CSMD1: variants seen among roughly 807,000 people sequenced by gnomAD.
The protein encoded by CSMD1 is CUB and Sushi multiple domains 1.
In CSMD1, 213 loss-of-function variants were observed where a neutral mutation model predicts 417.5. The ratio of observed to expected loss-of-function variants is 0.51; its 90% CI spans 0.46 to 0.57. The LOEUF (loss-of-function observed/expected upper bound fraction) is 0.57, where lower values mean the gene tolerates loss of function less well. Ranked by LOEUF, CSMD1 falls within the 20% of genes least tolerant of loss-of-function variation. The pLI, the probability that CSMD1 is intolerant of heterozygous loss-of-function variation, is 0.00. For synonymous variants in CSMD1, 2,862 were observed against 1,736.8 expected (o/e 1.65, Z -16.11); for missense variants, 6,923 against 4,529.7 (o/e 1.53, Z -15.17).
intron 1 of CSMD1, among the ~76,000 whole-genome samples, chr8:4,820,301 A>C (rs1474758040): frequency 3.3e-5 from 5 of 152,212 alleles, no homozygotes; most frequent in Admixed American, 6.5e-5. Flanking sequence ...GGGCACAGTT[A>C]GTGCGCCATA....
chr8:3,515,859 T>C (rs1797261314), intron 10 of CSMD1, among the ~76,000 whole-genome samples: 1 of 152,194 alleles, frequency 6.6e-6, no homozygotes, highest in Non-Finnish European at 1.5e-5. Flanking sequence ...GACTTCAGCG[T>C]GGGGAAAATT....
Position 3,899,971 on chromosome 8 carries a change from G to C in CSMD1, c.818+97932C>G, listed in dbSNP as rs185179648. Among the ~76,000 whole-genome samples the C allele has an allele frequency of 2.7e-3, 415 of 152,336 alleles. 6 individuals carry two copies. The highest frequency in any genetic ancestry group is 0.011 in the South Asian group (52 of 4,830). ...TGGGAAGGGTAGTTGCTCTCCACTG[G>C]GCTTGTTGAGCTGCAGCTACAGCTG... On this transcript the variant is annotated intron_variant, in intron 5 of 69. Coordinates refer to ENST00000635120, the MANE Select transcript of CSMD1 (RefSeq NM_033225.6).
At chr8:3,149,029 T>C (rs950349747) in intron 40 of CSMD1, among the ~76,000 whole-genome samples, 1 of 152,218 alleles carries the variant, frequency 6.6e-6, no homozygotes. Flanking sequence ...CTATGCAATA[T>C]CCAATTTTTT....
chr8:3,774,551 CT>C (rs1298254476), intron 5 of CSMD1, among the ~76,000 whole-genome samples: 2 of 152,144 alleles, frequency 1.3e-5, no homozygotes, highest in African/African-American at 4.8e-5. Context: ...CATTCCCCTC[CT>C]TAGTGGACAG....
intron 3 of CSMD1, among the ~76,000 whole-genome samples, chr8:4,304,562 A>G (rs1226304013): frequency 6.6e-6 from 1 of 152,150 alleles, no homozygotes. Flanking sequence ...ATCAATTGGG[A>G]TGTGTTTAAA....
chr8:3,299,542 G>A (rs552430675), intron 25 of CSMD1, among the ~76,000 whole-genome samples: 4 of 146,074 alleles, frequency 2.7e-5, no homozygotes, highest in South Asian at 2.2e-4. Flanking sequence ...ATCCTCCAAC[G>A]CACAGTGTCC....
chr8:4,121,940 A>C (rs1048223050), intron 3 of CSMD1, among the ~76,000 whole-genome samples: 3 of 152,084 alleles, frequency 2.0e-5, no homozygotes, highest in Non-Finnish European at 4.4e-5. Context: ...TTTTATATTA[A>C]ATGATTAGTG....
intron 3 of CSMD1, among the ~76,000 whole-genome samples, chr8:4,044,147 G>C (rs770534040): frequency 1.3e-5 from 2 of 152,124 alleles, no homozygotes; most frequent in Non-Finnish European, 2.9e-5. Context: ...TTAACAGTAA[G>C]AAAGAAGATG....
At chr8:4,288,461 G>A (rs1423472972) in intron 3 of CSMD1, among the ~76,000 whole-genome samples, 1 of 152,166 alleles carries the variant, frequency 6.6e-6, no homozygotes, top group East Asian at 1.9e-4. Flanking sequence ...CATTTCTCCT[G>A]TACTGCTGAC....
At chr8:4,744,935 T>A (rs1035978148) in intron 1 of CSMD1, among the ~76,000 whole-genome samples, 2 of 152,160 alleles carry the variant, frequency 1.3e-5, no homozygotes, top group African/African-American at 4.8e-5. Flanking sequence ...ATCAACATTT[T>A]AAAAAATAGT....
rs145409370 is a variant in CSMD1 at position 3,284,454 on chromosome 8, A to G, written c.3951-108T>C. The stretch of plus-strand genomic sequence containing the variant: ...TCGCTTTCACACAACCCCCACCAAC[A>G]TGTGCCTCGGTACTTACTGTCTGAC... On this transcript the variant is annotated intron_variant, in intron 25 of 69. Coordinates refer to ENST00000635120, the MANE Select transcript of CSMD1 (RefSeq NM_033225.6). The G allele has an allele frequency of 2.7e-4, 203 of 748,908 alleles. No individual in the cohort carries two copies. The African/African-American group carries it at 3.2e-3, about 12-fold the overall frequency. 46.4% of individuals were successfully genotyped at this position (748,908 alleles called of 1,614,324 possible).
In CSMD1 at chr8:3,522,975, T is replaced by C. The variant is rs373299824; in HGVS notation, c.1345-29249A>G. On this transcript the variant is annotated intron_variant, in intron 10 of 69. Transcript: ENST00000635120. ...TAAACCTGTCTACTCATTTATCTAT[T>C]TTATATACATACAAAATGGAGATAC... is the stretch of plus-strand genomic sequence containing the variant. 4.0e-3 allele frequency among the ~76,000 whole-genome samples: 594 copies of C among 149,608 alleles called. 3 individuals are homozygous for C. Among genetic ancestry groups the C allele is most frequent in the South Asian group, 0.024 (113 of 4,746 alleles).
Position 3,560,070 on chromosome 8 carries a change from T to A in CSMD1, c.1344+14875A>T, listed in dbSNP as rs138144808. ...GAGAGACAATTGATTTTTTTCTGGATCTGTTCACTAGAAAAGACACCCAGA... is the reference window on the plus strand; with the variant it reads ...GAGAGACAATTGATTTTTTTCTGGAACTGTTCACTAGAAAAGACACCCAGA... On this transcript the variant is annotated intron_variant, in intron 10 of 69. Transcript: ENST00000635120. 1.2e-3 allele frequency among the ~76,000 whole-genome samples: 185 copies of A among 152,196 alleles called. 2 individuals carry two copies. The highest frequency in any genetic ancestry group is 4.2e-3 in the African/African-American group (173 of 41,526).
intron 1 of CSMD1, among the ~76,000 whole-genome samples, chr8:4,761,913 A>ATCTG (rs1812129204): frequency 2.2e-5 from 1 of 45,038 alleles, no homozygotes; most frequent in African/African-American, 6.7e-5. Context: ...CTATCTATCA[A>ATCTG]TCTATCTATC....
chr8:3,860,973 C>G (rs964024839), intron 5 of CSMD1, among the ~76,000 whole-genome samples: 3 of 152,112 alleles, frequency 2.0e-5, no homozygotes, highest in Non-Finnish European at 4.4e-5. Flanking sequence ...AATGAAATGA[C>G]AAATGAAAGA....
chr8:3,322,519 C>G (rs1300454857), intron 23 of CSMD1, among the ~76,000 whole-genome samples: 1 of 152,188 alleles, frequency 6.6e-6, no homozygotes, highest in Non-Finnish European at 1.5e-5. Context: ...GAAGAGAGAG[C>G]TAATCCATGC....
At chr8:4,752,503 GC>G (rs1811397424) in intron 1 of CSMD1, among the ~76,000 whole-genome samples, 1 of 152,096 alleles carries the variant, frequency 6.6e-6, no homozygotes, top group African/African-American at 2.4e-5. Flanking sequence ...GGTTATAAGG[GC>G]TAAAACGTGA....
At position 4,192,502 on chromosome 8, in the gene CSMD1, C is replaced by T. The variant is rs191561163; in HGVS notation, c.416-160403G>A. Among the ~76,000 whole-genome samples the T allele has an allele frequency of 7.6e-4, 116 of 151,754 alleles. 1 individual carries two copies. The highest frequency in any genetic ancestry group is 2.5e-3 in the African/African-American group (102 of 41,130). Reference sequence around the variant, plus strand: ...GTTGACCACCACATAAACTAAAGCCCGTTTAAGACAATACCCCCTGACCTT... The same window carrying T: ...GTTGACCACCACATAAACTAAAGCCTGTTTAAGACAATACCCCCTGACCTT... On this transcript the variant is annotated intron_variant, in intron 3 of 69. Transcript: ENST00000635120.
At chr8:3,426,583 T>G (rs1813856351) in intron 12 of CSMD1, among the ~76,000 whole-genome samples, 1 of 152,176 alleles carries the variant, frequency 6.6e-6, no homozygotes, top group African/African-American at 2.4e-5. Flanking sequence ...TACAAGGCAA[T>G]ATAATTTTTT....
Sources: gnomAD v4.1 joint callset for allele counts (sites outside exome capture counted in the v4.1 genomes callset) on GRCh38, gnomAD v4.1.1 for gene constraint, MANE v1.5 for transcripts, NCBI Gene and HGNC (gene_info 2026-07-23, HGNC 2026-07-21) for gene names.